The following STXBP6 variants were observed in gnomAD, a reference collection of about 807,000 sequenced individuals.
The protein encoded by STXBP6 is syntaxin binding protein 6.
A neutral mutation model predicts 26.9 loss-of-function variants in STXBP6; 21 were observed. The ratio of observed to expected loss-of-function variants is 0.78; its 90% CI spans 0.55 to 1.12. The LOEUF is 1.12. Ranked by LOEUF, STXBP6 falls within the 50% of genes most tolerant of loss-of-function variation. The probability of loss-of-function intolerance (pLI) is 0.00; values close to 1 mark genes in which losing one functional copy is unlikely to be tolerated. For synonymous variants in STXBP6, 97 were observed against 92.6 expected, an observed-to-expected ratio of 1.05 and a Z score of -0.27; for missense variants, 232 against 257.9, an observed-to-expected ratio of 0.90 and a Z score of 0.69.
chr14:24,964,583 T>C (rs186305575), intron 2 of STXBP6, among the ~76,000 whole-genome samples: 1 of 152,042 alleles, frequency 6.6e-6, no homozygotes, highest in Non-Finnish European at 1.5e-5. Context: ...CTGTGAGTTA[T>C]TGCCATTTTA....
chr14:24,886,267 C>T (rs551084597), intron 2 of STXBP6, among the ~76,000 whole-genome samples: 2 of 152,272 alleles, frequency 1.3e-5, no homozygotes, highest in Admixed American at 6.5e-5. Context: ...TGGTTAAAAA[C>T]ACCTTGCTTT....
chr14:24,916,724 A>G (rs1393310927), intron 2 of STXBP6, among the ~76,000 whole-genome samples: 1 of 152,096 alleles, frequency 6.6e-6, no homozygotes, highest in Non-Finnish European at 1.5e-5. Flanking sequence ...TAGGTCTTAA[A>G]GTGTGATCCA....
intron 2 of STXBP6, among the ~76,000 whole-genome samples, chr14:24,932,349 A>C (rs994545551): frequency 2.0e-5 from 3 of 152,224 alleles, no homozygotes; most frequent in South Asian, 4.2e-4. Flanking sequence ...AAAGTTTTTA[A>C]ATCTGTCTTT....
At chr14:24,922,999 T>C (rs1012892737) in intron 2 of STXBP6, among the ~76,000 whole-genome samples, 12 of 152,106 alleles carry the variant, frequency 7.9e-5, no homozygotes, top group African/African-American at 1.9e-4. Flanking sequence ...ATTTCCAACA[T>C]TGAAAAAGAT....
chr14:25,029,259 C>A lies in STXBP6; in HGVS notation c.-33+20619G>T, dbSNP rs150730544. ...AAGAGTCAATCAATGCAGCAAACTT[C>A]ACTGCTATCTTATTTTAAGAAATTG... On this transcript the variant is annotated intron_variant, in intron 1 of 5. Coordinates refer to ENST00000323944, the MANE Select transcript of STXBP6 (RefSeq NM_001394410.1). Among the ~76,000 whole-genome samples, 6 of 152,224 alleles carry A rather than the reference C, an allele frequency of 3.9e-5. No homozygotes were observed. In the East Asian group the frequency reaches 9.7e-4, roughly 24 times the overall value.
intron 2 of STXBP6, among the ~76,000 whole-genome samples, chr14:24,907,699 A>G (rs2071432997): frequency 6.6e-6 from 1 of 152,212 alleles, no homozygotes; most frequent in African/African-American, 2.4e-5. Flanking sequence ...AGTTACACTG[A>G]ATTCTACTTG....
chr14:24,839,329 C>A (rs909676833), intron 4 of STXBP6, among the ~76,000 whole-genome samples: 6 of 152,006 alleles, frequency 3.9e-5, no homozygotes, highest in East Asian at 1.9e-4. Context: ...TAAGTTATCA[C>A]AACTGGTTGG....
chr14:24,908,297 A>G (rs2071452611), intron 2 of STXBP6, among the ~76,000 whole-genome samples: 2 of 152,170 alleles, frequency 1.3e-5, no homozygotes, highest in East Asian at 3.9e-4. Context: ...ACTGGTCCCC[A>G]CTTCTGTGCT....
intron 1 of STXBP6, among the ~76,000 whole-genome samples, chr14:25,001,897 A>G (rs2074770019): frequency 6.6e-6 from 1 of 152,248 alleles, no homozygotes; most frequent in Non-Finnish European, 1.5e-5. Context: ...TATCTTCTAC[A>G]ATAAAGCATA....
At chr14:24,880,999 G>A (rs184299894) in intron 2 of STXBP6, among the ~76,000 whole-genome samples, 1 of 152,290 alleles carries the variant, frequency 6.6e-6, no homozygotes, top group East Asian at 1.9e-4. Flanking sequence ...CTATCCTACT[G>A]TTTTGAAAGC....
chr14:24,907,138 T>C (rs1390776673), intron 2 of STXBP6, among the ~76,000 whole-genome samples: 1 of 152,160 alleles, frequency 6.6e-6, no homozygotes, highest in Non-Finnish European at 1.5e-5. Flanking sequence ...ATAATTTATG[T>C]ATATTTCAAA....
chr14:25,001,737 C>G (rs1176718645), intron 1 of STXBP6, among the ~76,000 whole-genome samples: 1 of 152,174 alleles, frequency 6.6e-6, no homozygotes, highest in African/African-American at 2.4e-5. Flanking sequence ...ATTACTTTGT[C>G]TCTTCAGACT....
At position 24,810,879 on chromosome 14, in the gene STXBP6, G is replaced by GTGTA. The variant is rs1311086539; in HGVS notation, c.*1829_*1830insTACA. 2.6e-5 allele frequency: 4 copies of GTGTA among 151,544 alleles called. No individual in the cohort carries two copies. Among genetic ancestry groups the GTGTA allele is most frequent in the African/African-American group, 9.7e-5 (4 of 41,196 alleles). The allele number at this position is 151,544 out of a possible 1,614,324, so 9.4% of individuals were successfully genotyped here. On this transcript the variant is annotated 3_prime_UTR_variant, in exon 6 of 6. Transcript: ENST00000323944. ...TAAATACATCTCTGTGTGTGTGTGT[G>GTGTA]TGTGTGTGTGTGTGTGTGTGTGCAT... is the stretch of plus-strand genomic sequence containing the variant.
chr14:24,966,942 A>G (rs538814937), intron 2 of STXBP6, among the ~76,000 whole-genome samples: 92 of 152,362 alleles, frequency 6.0e-4, no homozygotes, highest in African/African-American at 2.2e-3. Flanking sequence ...GACCAGAGTA[A>G]TATCGAGACA....
intron 1 of STXBP6, among the ~76,000 whole-genome samples, chr14:24,989,467 A>G (rs2074412288): frequency 6.6e-6 from 1 of 152,256 alleles, no homozygotes; most frequent in African/African-American, 2.4e-5. Context: ...ACAAAAAACA[A>G]GCCAAATATT....
intron 2 of STXBP6, among the ~76,000 whole-genome samples, chr14:24,950,722 C>T (rs540584136): frequency 2.4e-4 from 37 of 152,256 alleles, no homozygotes; most frequent in African/African-American, 7.9e-4. Flanking sequence ...TTGAGCTTCT[C>T]TAGACACAAA....
chr14:24,995,950 A>C (rs907354866), intron 1 of STXBP6, among the ~76,000 whole-genome samples: 5 of 152,200 alleles, frequency 3.3e-5, no homozygotes, highest in African/African-American at 1.2e-4. Context: ...CACTGCTTTC[A>C]GAACTCAAAT....
intron 1 of STXBP6, among the ~76,000 whole-genome samples, chr14:25,000,621 T>C (rs1018056041): frequency 6.6e-6 from 1 of 150,776 alleles, no homozygotes; most frequent in East Asian, 2.0e-4. Context: ...AAAAAACCTA[T>C]AACTCTAACT....
intron 4 of STXBP6, among the ~76,000 whole-genome samples, chr14:24,819,835 T>G (rs1354540273): frequency 1.3e-5 from 2 of 152,184 alleles, no homozygotes; most frequent in African/African-American, 4.8e-5. Flanking sequence ...CTCGGATGGT[T>G]GGGACTCCTT....
Sources: allele counts gnomAD v4.1 joint callset (sites outside exome capture counted in the v4.1 genomes callset), GRCh38; gene constraint gnomAD v4.1.1; transcripts MANE v1.5; gene names NCBI Gene and HGNC (gene_info 2026-07-23, HGNC 2026-07-21).